The following MAPRE2 variants were observed in gnomAD, a reference collection of about 807,000 sequenced individuals.
MAPRE2 encodes microtubule-associated protein RP/EB family member 2.
A neutral mutation model predicts 43.2 loss-of-function variants in MAPRE2; 13 were observed. The ratio of observed to expected loss-of-function variants is 0.30; its 90% CI spans 0.20 to 0.48. MAPRE2 has a LOEUF of 0.48. Among genes scored for constraint, MAPRE2 ranks in the 20% least tolerant of loss-of-function variants. The pLI, the probability that MAPRE2 is intolerant of heterozygous loss-of-function variation, is 0.99. For missense variants in MAPRE2, 161 were observed against 400.2 expected (o/e 0.40, Z 5.10); for synonymous variants, 135 against 148.8 (o/e 0.91, Z 0.68).
chr18:34,978,392 C>A (rs1392124828), intron 1 of MAPRE2: 4 of 867,090 alleles, frequency 4.6e-6, no homozygotes, highest in Admixed American at 4.2e-5. Context: ...GGCCGCGCTG[C>A]GAGGCGGAGG....
upstream of MAPRE2, among the ~76,000 whole-genome samples, chr18:35,039,560 T>C (rs2097052479): frequency 6.6e-6 from 1 of 152,208 alleles, no homozygotes; most frequent in Non-Finnish European, 1.5e-5. Context: ...ATTAAAATAA[T>C]AGCCCAAGAG....
At chr18:35,100,096 T>G (rs966802204) in intron 3 of MAPRE2, among the ~76,000 whole-genome samples, 1 of 152,126 alleles carries the variant, frequency 6.6e-6, no homozygotes, top group African/African-American at 2.4e-5. Context: ...ATCACATGCT[T>G]ACACACTCAC....
intron 1 of MAPRE2, among the ~76,000 whole-genome samples, chr18:34,982,234 T>A (rs1450707054): frequency 1.3e-5 from 2 of 152,198 alleles, no homozygotes; most frequent in African/African-American, 4.8e-5. Context: ...CCAAACATGT[T>A]GAGCCATCTT....
chr18:34,983,373 C>T (rs503301), intron 1 of MAPRE2, among the ~76,000 whole-genome samples: 38,883 of 152,064 alleles, frequency 0.26, 5,012 homozygotes, highest in African/African-American at 0.27. Context: ...TAACTAGTAA[C>T]CGTTTCCAGA....
At chr18:35,070,113 C>T in intron 1 of MAPRE2, 82 bp from the exon 2 acceptor site, 1 of 1,289,828 alleles carries the variant, frequency 7.8e-7, no homozygotes. Context: ...GGAGTCCTGC[C>T]AGGATCTTGA....
At chr18:35,130,603 A>AT (rs941457363) in intron 5 of MAPRE2, among the ~76,000 whole-genome samples, 1 of 152,126 alleles carries the variant, frequency 6.6e-6, no homozygotes, top group African/African-American at 2.4e-5. Flanking sequence ...TCCAAATGTA[A>AT]TTTTTTGAAA....
At chr18:35,069,560 A>C (rs764445310) in intron 1 of MAPRE2, among the ~76,000 whole-genome samples, 20 of 152,156 alleles carry the variant, frequency 1.3e-4, no homozygotes, top group Non-Finnish European at 2.5e-4. Flanking sequence ...TCTTGAATCC[A>C]AGGGGTAAAC....
chr18:35,034,824 G>A lies in MAPRE2; in HGVS notation c.-8+29271G>A, dbSNP rs1463852005. Among the ~76,000 whole-genome samples the A allele has an allele frequency of 4.5e-3, 686 of 152,230 alleles. 1 individual carries two copies. The highest frequency in any genetic ancestry group is 7.2e-3 in the Non-Finnish European group (490 of 68,006). On this transcript the variant is annotated intron_variant, in intron 2 of 7. Coordinates refer to the MAPRE2 transcript ENST00000413393. Reference sequence around the variant, plus strand: ...AAACCACAATGAGATACCATCTCACGCCAGTTAGAATGGCAATCATTAAAA... The same window carrying A: ...AAACCACAATGAGATACCATCTCACACCAGTTAGAATGGCAATCATTAAAA...
chr18:35,053,171 A>T (rs2150606867), intron 1 of MAPRE2, among the ~76,000 whole-genome samples: 1 of 152,286 alleles, frequency 6.6e-6, no homozygotes, highest in South Asian at 2.1e-4. Flanking sequence ...AGGTGGGTGG[A>T]TCACTTGAGG....
In MAPRE2 at chr18:35,026,138, C is replaced by T. The variant is rs552092031; in HGVS notation, c.-8+20585C>T. 1.5e-3 allele frequency among the ~76,000 whole-genome samples: 221 copies of T among 152,158 alleles called. 2 individuals are homozygous for T. Among genetic ancestry groups the T allele is most frequent in the African/African-American group, 4.9e-3 (204 of 41,496 alleles). ...TCATGAGGTAGGTGAGAGGAAGGAG[C>T]GTGTCTGAAGCAGGGTGTGAGCAGC... On this transcript the variant is annotated intron_variant, in intron 2 of 7. Transcript: ENST00000413393.
At chr18:35,136,429 G>T (rs1434463185) in intron 6 of MAPRE2, among the ~76,000 whole-genome samples, 2 of 152,182 alleles carry the variant, frequency 1.3e-5, no homozygotes, top group Non-Finnish European at 1.5e-5. Flanking sequence ...GACAGACAGG[G>T]ACATGACTAA....
chr18:34,992,353 T>C (rs1330764527), intron 1 of MAPRE2, among the ~76,000 whole-genome samples: 5 of 152,226 alleles, frequency 3.3e-5, no homozygotes, highest in African/African-American at 1.2e-4. Flanking sequence ...CTCAAAACTT[T>C]TGCAAGTTGA....
At chr18:35,074,720 A>G (rs1603398028) in intron 2 of MAPRE2, among the ~76,000 whole-genome samples, 1 of 152,130 alleles carries the variant, frequency 6.6e-6, no homozygotes, top group East Asian at 1.9e-4. Context: ...TCACAAGGCT[A>G]GTGCAGCCTG....
intron 2 of MAPRE2, among the ~76,000 whole-genome samples, chr18:35,079,323 T>C (rs945067238): frequency 6.6e-6 from 1 of 152,218 alleles, no homozygotes; most frequent in African/African-American, 2.4e-5. Context: ...GATTTACTTA[T>C]CAAGTTATCA....
chr18:35,036,532 C>T (rs923446068), upstream of MAPRE2, among the ~76,000 whole-genome samples: 1 of 152,124 alleles, frequency 6.6e-6, no homozygotes, highest in African/African-American at 2.4e-5. Context: ...CTGTGTTTGC[C>T]GTCCATACTA....
At chr18:35,030,078 C>G (rs1265578987) in intron 2 of MAPRE2, among the ~76,000 whole-genome samples, 2 of 152,122 alleles carry the variant, frequency 1.3e-5, no homozygotes, top group Non-Finnish European at 2.9e-5. Flanking sequence ...ATTTTTTTCT[C>G]TATCAATCAC....
At chr18:35,039,056 C>T (rs1301654718), upstream of MAPRE2, among the ~76,000 whole-genome samples, 1 of 152,200 alleles carries the variant, frequency 6.6e-6, no homozygotes, top group Non-Finnish European at 1.5e-5. Context: ...GATCAATGAA[C>T]TATGCATTCA....
chr18:35,005,139 C>T (rs1475388440), intron 1 of MAPRE2, among the ~76,000 whole-genome samples: 2 of 152,082 alleles, frequency 1.3e-5, no homozygotes, highest in Non-Finnish European at 2.9e-5. Flanking sequence ...AGGCACTGCT[C>T]CTTGGGGTTA....
rs181772344 is a variant in MAPRE2 at position 35,012,155 on chromosome 18, C to T, written c.-8+6602C>T. Among the ~76,000 whole-genome samples the T allele has an allele frequency of 3.2e-4, 48 of 152,124 alleles. 1 individual carries two copies. The East Asian group carries it at 8.7e-3, about 28-fold the overall frequency. The stretch of plus-strand genomic sequence containing the variant: ...TTACTGAGACAGGACACATTGTAAA[C>T]GTGAGGACAAGAATCAGAAGCCCAG... On this transcript the variant is annotated intron_variant, in intron 2 of 7. Coordinates refer to the MAPRE2 transcript ENST00000413393.
Sources: allele counts gnomAD v4.1 joint callset (sites outside exome capture counted in the v4.1 genomes callset), GRCh38; gene constraint gnomAD v4.1.1; transcripts MANE v1.5; gene names NCBI Gene and HGNC (gene_info 2026-07-23, HGNC 2026-07-21).